The following SMURF1 variants were observed in gnomAD, a reference collection of about 807,000 sequenced individuals.
The protein encoded by SMURF1 is SMAD specific E3 ubiquitin protein ligase 1.
SMURF1 carries 44 observed loss-of-function variants against 98.0 expected under a neutral mutation model. That is an observed-to-expected ratio of 0.45 (90% confidence interval 0.35 to 0.58). The LOEUF (loss-of-function observed/expected upper bound fraction) is 0.58. Ranked by LOEUF, SMURF1 falls within the 20% of genes least tolerant of loss-of-function variation. SMURF1 has a pLI of 0.00. For synonymous variants in SMURF1, 396 were observed against 374.9 expected, an observed-to-expected ratio of 1.06 and a Z score of -0.65; for missense variants, 687 against 938.4, an observed-to-expected ratio of 0.73 and a Z score of 3.50.
chr7:99,051,393 GTC>G lies in SMURF1; in HGVS notation c.768_769del (p.Gln256HisfsTer4). On this transcript the variant is annotated frameshift_variant, in exon 8 of 18. Transcript: ENST00000361368. LOFTEE classifies it high-confidence loss of function. ...GGGGTCGTGCCACGTGCTAACTCCA[GTC>G]TGTGTATGCAAAAAGTAAACTTGGC... 6.2e-7 allele frequency: 1 copy of G among 1,614,170 alleles called. No homozygotes were observed. Among genetic ancestry groups the G allele is most frequent in the Non-Finnish European group, 8.5e-7 (1 of 1,180,022 alleles).
chr7:99,040,647 G>T, intron 12 of SMURF1, 91 bp from the exon 13 acceptor site: 1 of 1,233,210 alleles, frequency 8.1e-7, no homozygotes, highest in Non-Finnish European at 1.1e-6. Context: ...TGGGAAAAGT[G>T]TCCCAGAGGC....
In SMURF1 at chr7:99,063,265, A is replaced by AAGATTTT. The variant is rs1378658221; in HGVS notation, c.56-1429_56-1428insAAAATCT. 1.8e-3 allele frequency among the ~76,000 whole-genome samples: 15 copies of AAGATTTT among 8,180 alleles called. 1 individual carries two copies. The highest frequency in any genetic ancestry group is 4.3e-3 in the Non-Finnish European group (13 of 3,058). The allele number at this position is 8,180 out of a possible 152,430, so 5.4% of individuals were successfully genotyped here. A position where few individuals can be genotyped will look rare whatever the true frequency, so the allele number is the denominator to read the frequency against. ...TTTATATATATATATATATATATAT[A>AAGATTTT]TATATATATATATATATATATATAT... On this transcript the variant is annotated intron_variant, in intron 1 of 17. Coordinates refer to ENST00000361368, the MANE Select transcript of SMURF1 (RefSeq NM_181349.3).
chr7:99,071,638 G>T (rs1291949020), intron 1 of SMURF1, among the ~76,000 whole-genome samples: 2 of 152,186 alleles, frequency 1.3e-5, no homozygotes, highest in African/African-American at 4.8e-5. Context: ...CTTTCGTTTG[G>T]TTTTTTCTTA....
intron 1 of SMURF1, among the ~76,000 whole-genome samples, chr7:99,112,352 C>A (rs1049291060): frequency 6.6e-6 from 1 of 152,184 alleles, no homozygotes; most frequent in African/African-American, 2.4e-5. Context: ...TGTTGTCATT[C>A]CAGACGTGTA....
chr7:99,127,379 G>A (rs1301338010), intron 1 of SMURF1, among the ~76,000 whole-genome samples: 1 of 152,080 alleles, frequency 6.6e-6, no homozygotes, highest in Non-Finnish European at 1.5e-5. Flanking sequence ...ATCTCTGGAA[G>A]AACACAAGAA....
intron 1 of SMURF1, among the ~76,000 whole-genome samples, chr7:99,116,420 A>G (rs1027923975): frequency 7.2e-5 from 11 of 152,132 alleles, no homozygotes; most frequent in Non-Finnish European, 1.6e-4. Flanking sequence ...GGAAGAAGTA[A>G]AACTATCTCT....
intron 1 of SMURF1, among the ~76,000 whole-genome samples, chr7:99,113,174 A>C (rs1287293059): frequency 5.3e-5 from 8 of 152,158 alleles, no homozygotes; most frequent in Admixed American, 5.2e-4. Context: ...TCAAGAAGCT[A>C]AACAAACTTT....
At chr7:99,040,232 C>T (rs998848) in intron 13 of SMURF1, 146 bp downstream of exon 13, 112,486 of 902,652 alleles carry the variant, frequency 0.12, 17,243 homozygotes, top group African/African-American at 0.67. Context: ...CCAAAAAATC[C>T]CCTTTTTTTG....
intron 10 of SMURF1, among the ~76,000 whole-genome samples, chr7:99,046,063 C>G (rs564410286): frequency 6.6e-6 from 1 of 152,214 alleles, no homozygotes; most frequent in African/African-American, 2.4e-5. Flanking sequence ...TTCAGTGAAT[C>G]ACCAAGGACT....
chr7:99,134,439 G>T (rs1797940508), intron 1 of SMURF1, among the ~76,000 whole-genome samples: 1 of 152,104 alleles, frequency 6.6e-6, no homozygotes, highest in Non-Finnish European at 1.5e-5. Flanking sequence ...CAGCAAGCAG[G>T]TCTCACCTCT....
intron 1 of SMURF1, among the ~76,000 whole-genome samples, chr7:99,072,152 T>C (rs1474081860): frequency 6.6e-6 from 1 of 151,550 alleles, no homozygotes; most frequent in Non-Finnish European, 1.5e-5. Context: ...GAGAAAGCAA[T>C]GTCAGTATTT....
rs895132832 is a variant in SMURF1, at chr7:99,029,416, T to C, written c.*1168A>G. 6.6e-6 allele frequency: 1 copy of C among 152,204 alleles called. No individual in the cohort carries two copies. The highest frequency in any genetic ancestry group is 1.5e-5 in the Non-Finnish European group (1 of 68,038). 9.4% of individuals were successfully genotyped at this position (152,204 alleles called of 1,614,324 possible). On this transcript the variant is annotated 3_prime_UTR_variant, in exon 18 of 18. Coordinates refer to ENST00000361368, the MANE Select transcript of SMURF1 (RefSeq NM_181349.3). Reference sequence around the variant, plus strand: ...TGGCCTTGCTCATCATATGAAGACATCTGGGCAAGTGAACCGAGTAGCAAT... The same window carrying C: ...TGGCCTTGCTCATCATATGAAGACACCTGGGCAAGTGAACCGAGTAGCAAT...
chr7:99,076,833 C>CCGTGTG (rs1796471397), intron 1 of SMURF1, among the ~76,000 whole-genome samples: 1 of 122,488 alleles, frequency 8.2e-6, no homozygotes, highest in Non-Finnish European at 2.1e-5. Flanking sequence ...GCACGTGTGC[C>CCGTGTG]CATGTGTATG....
At chr7:99,068,502 T>C (rs1796247764) in intron 1 of SMURF1, among the ~76,000 whole-genome samples, 2 of 152,176 alleles carry the variant, frequency 1.3e-5, no homozygotes, top group Non-Finnish European at 2.9e-5. Context: ...GGTCTCACTA[T>C]GTTGCCCAGG....
chr7:99,124,536 C>G (rs1797706025), intron 1 of SMURF1, among the ~76,000 whole-genome samples: 1 of 152,166 alleles, frequency 6.6e-6, no homozygotes, highest in Non-Finnish European at 1.5e-5. Context: ...TCTACAGAAT[C>G]TGCCTCTCTA....
chr7:99,052,132 C>CA (rs371032343), intron 7 of SMURF1, 73 bp downstream of exon 7: 200,212 of 1,220,246 alleles, frequency 0.16, 131 homozygotes, highest in Non-Finnish European at 0.18. Context: ...GACCTTGTCT[C>CA]AAAAAAAAAA....
chr7:99,138,292 C>T (rs1798040681), intron 1 of SMURF1, among the ~76,000 whole-genome samples: 1 of 152,186 alleles, frequency 6.6e-6, no homozygotes, highest in Admixed American at 6.5e-5. Context: ...CTGAATAAAA[C>T]GCACAATTCA....
intron 1 of SMURF1, among the ~76,000 whole-genome samples, chr7:99,108,343 C>T (rs1797237917): frequency 6.6e-6 from 1 of 150,826 alleles, no homozygotes; most frequent in African/African-American, 2.4e-5. Context: ...GGCATGGTGG[C>T]TCACGCTTGT....
At chr7:99,135,522 CT>C (rs1276381540) in intron 1 of SMURF1, among the ~76,000 whole-genome samples, 1 of 151,902 alleles carries the variant, frequency 6.6e-6, no homozygotes, top group African/African-American at 2.4e-5. Context: ...TTGAATCATG[CT>C]TTTTCCCCCC....
Sources: gnomAD v4.1 joint callset for allele counts (sites outside exome capture counted in the v4.1 genomes callset) on GRCh38, gnomAD v4.1.1 for gene constraint, MANE v1.5 for transcripts, NCBI Gene and HGNC (gene_info 2026-07-23, HGNC 2026-07-21) for gene names.